CKMT1A: variants seen among roughly 807,000 people sequenced by gnomAD.
The protein encoded by CKMT1A is creatine kinase, mitochondrial 1A.
CKMT1A carries 23 observed loss-of-function variants against 21.8 expected under a neutral mutation model. That is an observed-to-expected ratio of 1.05 (90% CI 0.76 to 1.49). CKMT1A has a LOEUF of 1.49. Ranked by LOEUF, CKMT1A falls within the 40% of genes most tolerant of loss-of-function variation. The probability of loss-of-function intolerance (pLI) is 0.00; values close to 1 mark genes in which losing one functional copy is unlikely to be tolerated. For missense variants in CKMT1A, 154 were observed against 229.4 expected, an observed-to-expected ratio of 0.67 and a Z score of 2.12; for synonymous variants, 67 against 80.4, an observed-to-expected ratio of 0.83 and a Z score of 0.89.
At position 43,698,825 on chromosome 15, in the gene CKMT1A, G is replaced by T. The variant is rs1038557395; in HGVS notation, c.1137+59G>T. On this transcript the variant is annotated intron_variant, in intron 8 of 8. Transcript: ENST00000413453. ...ATAGGTCTGTGGGGGCTGAAATATG[G>T]CAGTGAGTGAGCCTCCGGGATGTAA... The T allele has an allele frequency of 1.3e-5, 21 of 1,608,902 alleles. No homozygotes were observed. The African/African-American group carries it at 2.3e-4, about 17-fold the overall frequency.
At chr15:43,697,631 C>T (rs2086469167) in intron 6 of CKMT1A, 1 of 984,864 alleles carries the variant, frequency 1.0e-6, no homozygotes, top group African/African-American at 1.7e-5. Context: ...CTGAAAGGAC[C>T]CTTCCAAGCT....
intron 8 of CKMT1A, 95 bp from the exon 9 acceptor site, chr15:43,698,878 G>A (rs2086496387): frequency 2.5e-6 from 4 of 1,598,830 alleles, no homozygotes; most frequent in African/African-American, 1.3e-5. Flanking sequence ...TTCAGGTTGA[G>A]TGGGGAGGCA....
intron 6 of CKMT1A, chr15:43,697,206 G>A (rs2086459800): frequency 3.3e-6 from 4 of 1,228,150 alleles, no homozygotes; most frequent in Non-Finnish European, 4.3e-6. Flanking sequence ...GGTTGTTGTG[G>A]GGATTAAGTG....
In CKMT1A at chr15:43,699,156, T is replaced by C. The variant is rs919683654; in HGVS notation, c.*67T>C. On this transcript the variant is annotated 3_prime_UTR_variant, in exon 9 of 9. Transcript: ENST00000413453. ...TGCTCATTCTAATGATGGCCCATTC[T>C]ACTTGCTCTGGACCTGCCCTCGCAT... 8.1e-6 allele frequency: 13 copies of C among 1,612,530 alleles called. No homozygotes were observed. The highest frequency in any genetic ancestry group is 1.7e-4 in the Middle Eastern group (1 of 6,048).
At chr15:43,697,125 A>T (rs1350211144) in intron 6 of CKMT1A, 14 of 763,946 alleles carry the variant, frequency 1.8e-5, no homozygotes, top group South Asian at 1.4e-4. Context: ...GTGGGTAGGG[A>T]AGTACCTTTA....
intron 8 of CKMT1A, 34 bp downstream of exon 8, chr15:43,698,800 A>G (rs1452992213): frequency 1.9e-6 from 3 of 1,612,830 alleles, no homozygotes; most frequent in African/African-American, 1.3e-5. Context: ...GAGGAGAGGT[A>G]TAGGTCTGTG....
chr15:43,696,097 G>A lies in CKMT1A; in HGVS notation c.725G>A (p.Arg242Gln), dbSNP rs752357528. The A allele has an allele frequency of 4.4e-6, 3 of 683,406 alleles. No homozygotes were observed. The highest frequency in any genetic ancestry group is 5.6e-5 in the African/African-American group (2 of 35,462). The allele number at this position is 683,406 out of a possible 1,614,324, so 42.3% of individuals were successfully genotyped here. A position where few individuals can be genotyped will look rare whatever the true frequency, so the allele number is the denominator to read the frequency against. ...TTGCTGACTGCAGCAGGAATGGCTC[G>A]AGACTGGCCAGATGCTCGTGGAATT... ...SPLLTAAGMA[R>Q]DWPDARGIWH... is the part of the protein sequence containing the mutation. Residue 242 changes from arginine (R) to glutamine (Q), a missense_variant, in exon 5 of 9, where the codon CGA becomes CAA. By Grantham distance (43) the Arg-to-Gln change is conservative (BLOSUM62 1). Coordinates refer to ENST00000413453, the MANE Select transcript of CKMT1A (RefSeq NM_001321926.2).
chr15:43,696,496 T>G, intron 6 of CKMT1A, 133 bp downstream of exon 6: 4 of 1,411,384 alleles, frequency 2.8e-6, no homozygotes, highest in Non-Finnish European at 3.9e-6. Context: ...TAGGACTCAC[T>G]CTAGGACTAA....
intron 6 of CKMT1A, chr15:43,697,767 G>A (rs1596001170): frequency 4.1e-6 from 4 of 984,776 alleles, no homozygotes; most frequent in Non-Finnish European, 4.8e-6. Context: ...CCACGCCTTC[G>A]AGTTTTCTTC....
At chr15:43,697,602 T>A (rs2086468002) in intron 6 of CKMT1A, 2 of 984,270 alleles carry the variant, frequency 2.0e-6, no homozygotes, top group Non-Finnish European at 1.2e-6. Context: ...CTGGCAAAGC[T>A]TACACCTTCA....
At chr15:43,698,901 C>G in intron 8 of CKMT1A, 72 bp from the exon 9 acceptor site, 1 of 1,601,716 alleles carries the variant, frequency 6.2e-7, no homozygotes, top group Non-Finnish European at 8.5e-7. Context: ...TGGAAATGAG[C>G]AGGCAAGTCA....
At chr15:43,698,918 G>A in intron 8 of CKMT1A, 55 bp from the exon 9 acceptor site, 3 of 1,609,784 alleles carry the variant, frequency 1.9e-6, no homozygotes, top group Non-Finnish European at 2.5e-6. Flanking sequence ...GTCAGTCAGT[G>A]ATAAAGAAAA....
intron 4 of CKMT1A, 39 bp downstream of exon 4, chr15:43,695,948 T>C (rs1274263319): frequency 3.1e-6 from 1 of 324,052 alleles, no homozygotes; most frequent in Admixed American, 6.8e-5. Flanking sequence ...TGGGAGCAGA[T>C]GGGGAAGGCT....
In CKMT1A at chr15:43,695,796, C is replaced by T; in HGVS notation, c.553C>T (p.Arg185Ter). 7.0e-6 allele frequency: 1 copy of T among 142,086 alleles called. No individual in the cohort carries two copies. The allele number at this position is 142,086 out of a possible 1,614,324, so 8.8% of individuals were successfully genotyped here. A position where few individuals can be genotyped will look rare whatever the true frequency, so the allele number is the denominator to read the frequency against. Residue 185 changes from arginine to a stop codon, truncating the protein, a stop_gained, in exon 4 of 9, where the codon CGA becomes TGA. Coordinates refer to ENST00000413453, the MANE Select transcript of CKMT1A (RefSeq NM_001321926.2). LOFTEE classifies it high-confidence loss of function. ...LPPACTRAERREVERVVVDAL... is the reference protein window; with the variant it reads ...LPPACTRAER ...TCCAGCTTGCACTCGAGCAGAGCGACGAGAGGTGGAACGTGTTGTGGTGGA... is the reference window on the plus strand; with the variant it reads ...TCCAGCTTGCACTCGAGCAGAGCGATGAGAGGTGGAACGTGTTGTGGTGGA...
intron 7 of CKMT1A, among the ~76,000 whole-genome samples, 189 bp from the exon 8 acceptor site, chr15:43,698,452 C>T (rs1268582091): frequency 1.4e-5 from 2 of 146,226 alleles, no homozygotes; most frequent in African/African-American, 2.5e-5. Context: ...CCTGGGAAGT[C>T]GAGGCTTCAG....
intron 6 of CKMT1A, chr15:43,697,203 G>A: frequency 1.6e-6 from 2 of 1,228,028 alleles, no homozygotes; most frequent in Non-Finnish European, 2.1e-6. Flanking sequence ...TTAGGTTGTT[G>A]TGGGGATTAA....
intron 7 of CKMT1A, 105 bp downstream of exon 7, chr15:43,698,253 A>C (rs1316372015): frequency 1.3e-6 from 2 of 1,554,266 alleles, no homozygotes. Flanking sequence ...TTGTGGCTAA[A>C]GGGTCAGAGG....
Position 43,698,090 on chromosome 15 carries a change from C to G in CKMT1A, c.953C>G (p.Ser318Cys). ...ERLGYILTCPSNLGTGLRAGV... is the reference protein window; with the variant it reads ...ERLGYILTCPCNLGTGLRAGV... ...TTGGGATACATCTTGACCTGTCCAT[C>G]TAACCTGGGCACTGGACTTCGGGCA... Residue 318 changes from serine (S) to cysteine (C), a missense_variant, in exon 7 of 9, where the codon TCT becomes TGT. Ser to Cys is a moderately radical substitution (Grantham distance 112). Coordinates refer to ENST00000413453, the MANE Select transcript of CKMT1A (RefSeq NM_001321926.2). The G allele has an allele frequency of 6.2e-7, 1 of 1,613,096 alleles. No individual in the cohort carries two copies. Among genetic ancestry groups the G allele is most frequent in the Non-Finnish European group, 8.5e-7 (1 of 1,179,270 alleles).
At chr15:43,697,488 G>C in intron 6 of CKMT1A, 7 of 984,212 alleles carry the variant, frequency 7.1e-6, no homozygotes, top group Non-Finnish European at 8.4e-6. Flanking sequence ...CCTTCCCCCT[G>C]TCCCCTATTC....
Sources: allele counts gnomAD v4.1 joint callset (sites outside exome capture counted in the v4.1 genomes callset), GRCh38; gene constraint gnomAD v4.1.1; transcripts MANE v1.5; gene names NCBI Gene and HGNC (gene_info 2026-07-23, HGNC 2026-07-21).